ZNF366: variants seen among roughly 807,000 people sequenced by gnomAD.
ZNF366 encodes dendritic cell-specific transcript protein.
A neutral mutation model predicts 47.2 loss-of-function variants in ZNF366; 20 were observed. The ratio of observed to expected loss-of-function variants is 0.42; its 90% CI spans 0.30 to 0.62. ZNF366 has a LOEUF of 0.62. Among genes scored for constraint, ZNF366 ranks in the 20% least tolerant of loss-of-function variants. The probability of loss-of-function intolerance (pLI) is 0.16; values close to 1 mark genes in which losing one functional copy is unlikely to be tolerated. For synonymous variants in ZNF366, 421 were observed against 395.1 expected (o/e 1.07, Z -0.78); for missense variants, 987 against 976.3 (o/e 1.01, Z -0.15).
At chr5:72,447,515 T>C in intron 3 of ZNF366, 98 bp from the exon 4 acceptor site, 4 of 1,420,262 alleles carry the variant, frequency 2.8e-6, no homozygotes, top group Non-Finnish European at 2.9e-6. Context: ...TGTTTGGACA[T>C]TGACATTTTA....
chr5:72,463,076 G>GATT (rs1225357142), intron 1 of ZNF366, among the ~76,000 whole-genome samples: 2 of 152,236 alleles, frequency 1.3e-5, no homozygotes, highest in Non-Finnish European at 2.9e-5. Flanking sequence ...CTAACTCAGG[G>GATT]CTCTAGCCCT....
rs1228623183 is a variant in ZNF366, at chr5:72,443,585, C to T, written c.*171G>A. ...CATGTGTGAAGGGTATCAAGGGCCC[C>T]GTGAATGACCTGAGAAGGCTTTCCA... On this transcript the variant is annotated 3_prime_UTR_variant, in exon 5 of 5. Transcript: ENST00000318442. 2 of 707,744 alleles carry T rather than the reference C, an allele frequency of 2.8e-6. No homozygotes were observed. The highest frequency in any genetic ancestry group is 3.0e-5 in the Admixed American group (1 of 33,880). The allele number at this position is 707,744 out of a possible 1,614,324, so 43.8% of individuals were successfully genotyped here. A position where few individuals can be genotyped will look rare whatever the true frequency, so the allele number is the denominator to read the frequency against.
At chr5:72,456,904 A>G (rs1317243210) in intron 2 of ZNF366, among the ~76,000 whole-genome samples, 1 of 152,192 alleles carries the variant, frequency 6.6e-6, no homozygotes, top group Non-Finnish European at 1.5e-5. Context: ...GAGGATTAAC[A>G]GGCTTTTAGT....
intron 1 of ZNF366, among the ~76,000 whole-genome samples, chr5:72,465,417 G>A (rs1449947325): frequency 6.6e-6 from 1 of 152,148 alleles, no homozygotes; most frequent in Non-Finnish European, 1.5e-5. Context: ...TTCCTGAGGA[G>A]GTAATTTATC....
chr5:72,456,645 T>A, intron 2 of ZNF366, 50 bp from the exon 3 acceptor site: 1 of 1,511,960 alleles, frequency 6.6e-7, no homozygotes, highest in Non-Finnish European at 9.0e-7. Context: ...GTAACATGCT[T>A]TCATCAGGAT....
intron 1 of ZNF366, among the ~76,000 whole-genome samples, chr5:72,475,849 A>G (rs994760380): frequency 2.6e-5 from 4 of 152,142 alleles, no homozygotes; most frequent in African/African-American, 9.7e-5. Flanking sequence ...ATTGTCCATC[A>G]GCCCGTAAAA....
chr5:72,456,285 C>T (rs1406879599), intron 3 of ZNF366, 119 bp downstream of exon 3: 7 of 1,125,922 alleles, frequency 6.2e-6, no homozygotes, highest in African/African-American at 1.5e-5. Context: ...GGGTTGGCCA[C>T]GGACCTACTC....
rs763563828 is a variant in ZNF366 at position 72,456,400 on chromosome 5, C to T, written c.1524+4G>A. On this transcript the variant is annotated splice_donor_region_variant and intron_variant, in intron 3 of 4. Transcript: ENST00000318442. ...TCTGGTTCCTCTCTAGTCCCACTGCCCACCTTGCATTTGAAAGGCTTCACG... is the reference window on the plus strand; with the variant it reads ...TCTGGTTCCTCTCTAGTCCCACTGCTCACCTTGCATTTGAAAGGCTTCACG... 21 of 1,596,534 alleles carry T rather than the reference C, an allele frequency of 1.3e-5. 1 individual carries two copies. The South Asian group carries it at 2.3e-4, about 18-fold the overall frequency.
At chr5:72,486,303 C>T (rs1157348215) in intron 1 of ZNF366, among the ~76,000 whole-genome samples, 3 of 152,182 alleles carry the variant, frequency 2.0e-5, no homozygotes, top group Admixed American at 6.5e-5. Context: ...GCAGAATTGG[C>T]CTGTGCTGTC....
chr5:72,459,712 A>C (rs979717175), intron 2 of ZNF366, among the ~76,000 whole-genome samples: 1 of 152,212 alleles, frequency 6.6e-6, no homozygotes, highest in African/African-American at 2.4e-5. Flanking sequence ...AAAACAATCC[A>C]AAAAGTTTTC....
intron 1 of ZNF366, among the ~76,000 whole-genome samples, chr5:72,475,140 A>T (rs969988259): frequency 6.6e-6 from 1 of 152,170 alleles, no homozygotes; most frequent in African/African-American, 2.4e-5. Flanking sequence ...GGCCAGAGTT[A>T]CCATCTTTGC....
At chr5:72,464,334 A>T (rs1011445356) in intron 1 of ZNF366, among the ~76,000 whole-genome samples, 1 of 152,210 alleles carries the variant, frequency 6.6e-6, no homozygotes, top group Non-Finnish European at 1.5e-5. Context: ...GTTATCACTA[A>T]TTGTGAAACG....
In ZNF366 at chr5:72,460,838, T is replaced by C. The variant is rs1235632842; in HGVS notation, c.659A>G (p.Gln220Arg). 2 of 1,613,884 alleles carry C rather than the reference T, an allele frequency of 1.2e-6. No individual in the cohort carries two copies. The highest frequency in any genetic ancestry group is 1.3e-5 in the African/African-American group (1 of 74,894). ...CTTCTGCTTGGTCTCCTCGCTCTCC[T>C]GGGGCTCGGCTTTCCGGGGCAGCAG... is the stretch of plus-strand genomic sequence containing the variant. ...EPLLPRKAEP[Q>R]ESEETKQKVE... Residue 220 changes from glutamine to arginine, a missense_variant, in exon 2 of 5, where the codon CAG becomes CGG. This residue lies in a region of ZNF366 where 591 missense variants were observed against 560.9 expected (regional missense o/e 1.05). Transcript: ENST00000318442.
At chr5:72,481,100 TAAC>T (rs1411142903) in intron 1 of ZNF366, among the ~76,000 whole-genome samples, 1 of 152,052 alleles carries the variant, frequency 6.6e-6, no homozygotes, top group East Asian at 1.9e-4. Flanking sequence ...TATTGGCAAA[TAAC>T]AGCCGTAATA....
chr5:72,478,454 G>A (rs144503568), intron 1 of ZNF366, among the ~76,000 whole-genome samples: 220 of 152,312 alleles, frequency 1.4e-3, no homozygotes, highest in Admixed American at 3.5e-3. Context: ...CCTGAGGTGA[G>A]GGAGTGAGTA....
At chr5:72,455,962 C>T (rs927618610) in intron 3 of ZNF366, among the ~76,000 whole-genome samples, 6 of 142,664 alleles carry the variant, frequency 4.2e-5, no homozygotes, top group Non-Finnish European at 7.7e-5. Context: ...GAGGAGGTGG[C>T]GGTGGGTGGG....
intron 1 of ZNF366, among the ~76,000 whole-genome samples, chr5:72,464,249 A>G (rs1467858875): frequency 6.6e-6 from 1 of 152,210 alleles, no homozygotes; most frequent in African/African-American, 2.4e-5. Flanking sequence ...TCTTAAGTAC[A>G]TGGCTAATGA....
At chr5:72,447,162 G>C in intron 4 of ZNF366, 81 bp downstream of exon 4, 1 of 1,506,218 alleles carries the variant, frequency 6.6e-7, no homozygotes, top group Admixed American at 1.8e-5. Context: ...TAACCCTCAA[G>C]GTAATGCCCC....
intron 3 of ZNF366, among the ~76,000 whole-genome samples, chr5:72,455,084 G>C (rs1743151333): frequency 6.6e-6 from 1 of 152,156 alleles, no homozygotes; most frequent in African/African-American, 2.4e-5. Context: ...TCTTGCTTTA[G>C]ACGGATGTAA....
Sources: allele counts gnomAD v4.1 joint callset (sites outside exome capture counted in the v4.1 genomes callset), GRCh38; gene constraint gnomAD v4.1.1; regional missense constraint gnomAD v4.1.1; transcripts MANE v1.5; gene names NCBI Gene and HGNC (gene_info 2026-07-23, HGNC 2026-07-21).